The following ZMYM2 variants were observed in gnomAD, a reference collection of about 807,000 sequenced individuals.
ZMYM2 encodes zinc finger MYM-type containing 2, also known as zinc finger MYM-type protein 2.
In ZMYM2, 56 loss-of-function variants were observed where a neutral mutation model predicts 162.8. That is an observed-to-expected ratio of 0.34 (90% confidence interval 0.28 to 0.43). The LOEUF is 0.43. Among genes scored for constraint, ZMYM2 ranks in the 20% least tolerant of loss-of-function variants. ZMYM2 has a pLI of 1.00. For missense variants in ZMYM2, 1,275 were observed against 1,621.8 expected, an observed-to-expected ratio of 0.79 and a Z score of 3.67; for synonymous variants, 510 against 541.6, an observed-to-expected ratio of 0.94 and a Z score of 0.81.
rs983703142 is a variant in ZMYM2, at chr13:20,086,516, T to G, written c.*502T>G. The G allele has an allele frequency of 1.4e-5, 3 of 216,596 alleles. No individual in the cohort carries two copies. The highest frequency in any genetic ancestry group is 1.9e-4 in the South Asian group (1 of 5,388). The allele number at this position is 216,596 out of a possible 1,614,324, so 13.4% of individuals were successfully genotyped here. A position where few individuals can be genotyped will look rare whatever the true frequency, so the allele number is the denominator to read the frequency against. ...GGGTTTTTGTTTTGTTTTGGGGTTT[T>G]GTTTTGTTTGGTTTTACATTTTAGT... is the stretch of plus-strand genomic sequence containing the variant. On this transcript the variant is annotated 3_prime_UTR_variant, in exon 25 of 25. Transcript: ENST00000610343.
chr13:19,958,619 G>A (rs1027227960), upstream of ZMYM2: 5 of 152,232 alleles, frequency 3.3e-5, no homozygotes, highest in African/African-American at 1.2e-4. Context: ...GGCCGTCGGA[G>A]CCAATGGGCG....
chr13:20,000,965 A>G (rs1950344262), intron 3 of ZMYM2, among the ~76,000 whole-genome samples: 1 of 152,248 alleles, frequency 6.6e-6, no homozygotes, highest in South Asian at 2.1e-4. Flanking sequence ...AGAAGGTCAA[A>G]ACAGCATTAT....
At chr13:20,056,431 A>T (rs1171952206) in intron 14 of ZMYM2, among the ~76,000 whole-genome samples, 1 of 152,144 alleles carries the variant, frequency 6.6e-6, no homozygotes, top group East Asian at 1.9e-4. Flanking sequence ...TCATGCCCCC[A>T]AATACTAGTC....
chr13:20,005,348 A>G (rs1950660519), intron 5 of ZMYM2, 109 bp downstream of exon 5: 2 of 761,706 alleles, frequency 2.6e-6, no homozygotes, highest in Admixed American at 3.6e-5. Context: ...ATGAATATAT[A>G]TAAAGACTAT....
the ZMYM2 span, among the ~76,000 whole-genome samples, chr13:19,908,301 AAC>A: frequency 0.01 from 1,548 of 152,102 alleles, 33 homozygotes; most frequent in African/African-American, 0.035. Flanking sequence ...CAAACAAACA[AAC>A]AAAAACCATT....
At chr13:20,079,448 T>A (rs1039897225) in intron 21 of ZMYM2, among the ~76,000 whole-genome samples, 2 of 151,128 alleles carry the variant, frequency 1.3e-5, no homozygotes, top group Non-Finnish European at 2.9e-5. Flanking sequence ...AAGTTGCTGC[T>A]CTTCTTCGCA....
intron 6 of ZMYM2, among the ~76,000 whole-genome samples, chr13:20,015,992 T>G (rs1367409934): frequency 6.6e-6 from 1 of 151,994 alleles, no homozygotes; most frequent in African/African-American, 2.4e-5. Flanking sequence ...GATAATTTGA[T>G]CCATGTACAT....
chr13:20,012,536 AT>A (rs2140073632), intron 6 of ZMYM2, among the ~76,000 whole-genome samples: 1 of 152,324 alleles, frequency 6.6e-6, no homozygotes, highest in South Asian at 2.1e-4. Context: ...TTTCGGTGTC[AT>A]TTAAGAATCT....
the ZMYM2 span, among the ~76,000 whole-genome samples, chr13:19,910,314 TAGAA>T: frequency 6.6e-6 from 1 of 152,152 alleles, no homozygotes; most frequent in Non-Finnish European, 1.5e-5. Context: ...CTTTGGGAAT[TAGAA>T]AGGGTTCTAA....
At chr13:20,062,730 A>T (rs187349096) in intron 17 of ZMYM2, 116 bp from the exon 18 acceptor site, 1 of 1,060,624 alleles carries the variant, frequency 9.4e-7, no homozygotes, top group Non-Finnish European at 1.3e-6. Context: ...TTGTGACATT[A>T]TACGTATTTT....
At chr13:19,901,380 C>T in the ZMYM2 span, among the ~76,000 whole-genome samples, 1 of 152,172 alleles carries the variant, frequency 6.6e-6, no homozygotes, top group African/African-American at 2.4e-5. Context: ...GCAACCCAAG[C>T]GTCCACTGAT....
intron 23 of ZMYM2, among the ~76,000 whole-genome samples, chr13:20,083,349 A>G (rs1958034184): frequency 6.6e-6 from 1 of 152,236 alleles, no homozygotes; most frequent in Admixed American, 6.5e-5. Flanking sequence ...GGCGTGAGCC[A>G]CCACGCATGG....
the ZMYM2 span, among the ~76,000 whole-genome samples, chr13:19,904,945 A>G: frequency 1.3e-4 from 20 of 151,232 alleles, no homozygotes; most frequent in Non-Finnish European, 1.5e-5. Context: ...GTTGGGTCCT[A>G]CTTTTGGCCA....
intron 4 of ZMYM2, among the ~76,000 whole-genome samples, chr13:20,003,912 G>A (rs983995535): frequency 1.6e-4 from 24 of 152,000 alleles, no homozygotes; most frequent in African/African-American, 5.1e-4. Context: ...GCCTCCCAAA[G>A]TGCTGGGATT....
upstream of ZMYM2, among the ~76,000 whole-genome samples, chr13:19,958,005 T>G (rs1416524175): frequency 6.6e-6 from 1 of 152,230 alleles, no homozygotes; most frequent in Non-Finnish European, 1.5e-5. Flanking sequence ...GTTTGGTTTT[T>G]AGGGGGTCCC....
intron 21 of ZMYM2, chr13:20,068,465 GT>G (rs901995352): frequency 6.3e-6 from 1 of 157,972 alleles, no homozygotes; most frequent in Non-Finnish European, 1.4e-5. Context: ...AGTACAGAGT[GT>G]TTACCCACAC....
In ZMYM2 at chr13:20,043,056, C is replaced by T. The variant is rs1244674524; in HGVS notation, c.2292+6147C>T. On this transcript the variant is annotated intron_variant, in intron 12 of 24. Coordinates refer to ENST00000610343, the MANE Select transcript of ZMYM2 (RefSeq NM_197968.4). ...TTTTCTTGTATCCTATATTTGATGA[C>T]CTTGAGGGTTTAACTGTGGAATAAG... 5.3e-5 allele frequency among the ~76,000 whole-genome samples: 8 copies of T among 151,834 alleles called. No homozygotes were observed. The East Asian group carries it at 1.5e-3, about 29-fold the overall frequency.
At chr13:20,036,983 C>A in intron 12 of ZMYM2, 74 bp downstream of exon 12, 1 of 1,361,416 alleles carries the variant, frequency 7.3e-7, no homozygotes, top group South Asian at 1.8e-5. Flanking sequence ...CATTACAAAT[C>A]TGGCAACTCA....
At chr13:19,869,939 T>C in the ZMYM2 span, among the ~76,000 whole-genome samples, 15,204 of 152,216 alleles carry the variant, frequency 0.1, 903 homozygotes, top group African/African-American at 0.17. Flanking sequence ...CAAATACTTA[T>C]CGTGTCTGTT....
Sources: allele counts gnomAD v4.1 joint callset (sites outside exome capture counted in the v4.1 genomes callset), GRCh38; gene constraint gnomAD v4.1.1; transcripts MANE v1.5; gene names NCBI Gene and HGNC (gene_info 2026-07-23, HGNC 2026-07-21).